Variants in LRBA observed in about 807,000 individuals in gnomAD.
LRBA encodes the protein LPS responsive beige-like anchor protein.
A neutral mutation model predicts 330.0 loss-of-function variants in LRBA; 176 were observed. The ratio of observed to expected loss-of-function variants is 0.53; its 90% confidence interval spans 0.47 to 0.60. The LOEUF is 0.60. Ranked by LOEUF, LRBA falls within the 20% of genes least tolerant of loss-of-function variation. The pLI is 0.00. For synonymous variants in LRBA, 1,230 were observed against 1,193.0 expected (o/e 1.03, Z -0.64); for missense variants, 3,259 against 3,444.8 (o/e 0.95, Z 1.35).
intron 47 of LRBA, among the ~76,000 whole-genome samples, chr4:150,387,216 C>G (rs1254249775): frequency 6.6e-6 from 1 of 151,786 alleles, no homozygotes; most frequent in African/African-American, 2.4e-5. Flanking sequence ...TCTGTTCACT[C>G]TGTGGATAGT....
chr4:150,896,761 T>C (rs938263873), intron 15 of LRBA, among the ~76,000 whole-genome samples: 4 of 151,882 alleles, frequency 2.6e-5, no homozygotes, highest in African/African-American at 9.7e-5. Context: ...TAAAAAGTAA[T>C]ATCCACACCT....
At chr4:150,467,113 C>T (rs1369031574) in intron 44 of LRBA, among the ~76,000 whole-genome samples, 1 of 151,912 alleles carries the variant, frequency 6.6e-6, no homozygotes, top group Admixed American at 6.6e-5. Context: ...AAGAAGCTCC[C>T]CCGGTCAAAG....
intron 37 of LRBA, among the ~76,000 whole-genome samples, chr4:150,648,050 G>A (rs991513197): frequency 4.7e-5 from 7 of 149,256 alleles, no homozygotes; most frequent in Non-Finnish European, 1.0e-4. Context: ...TAAGGCAAAT[G>A]TAGAGAAGTA....
Position 150,881,938 on chromosome 4 carries a change from T to C in LRBA, c.2166-9183A>G, listed in dbSNP as rs557738220. Reference sequence around the variant, plus strand: ...CCTGTCTCTATTAAAAATACAAAATTAGTTGGGTGTGGTGGCACATGCCTG... The same window carrying C: ...CCTGTCTCTATTAAAAATACAAAATCAGTTGGGTGTGGTGGCACATGCCTG... On this transcript the variant is annotated intron_variant, in intron 17 of 56. Coordinates refer to ENST00000651943, the MANE Select transcript of LRBA (RefSeq NM_001364905.1). 9.9e-5 allele frequency among the ~76,000 whole-genome samples: 15 copies of C among 151,916 alleles called. No homozygotes were observed. The East Asian group carries it at 2.7e-3, about 27-fold the overall frequency.
rs747052936 is a variant in LRBA, at chr4:150,905,934, T to C, written c.1659A>G (p.Lys553=). The C allele has an allele frequency of 9.3e-6, 15 of 1,613,664 alleles. No homozygotes were observed. Among genetic ancestry groups the C allele is most frequent in the African/African-American group, 1.3e-5 (1 of 75,026 alleles). The change falls in exon 13 of 57, where the codon AAA becomes AAG. Residue 553 remains lysine, a synonymous_variant. Transcript: ENST00000651943. ...TCCCATTCTGCAGATTACTCAGATA[T>C]TTTGAAAATGCAAGGCAAAGTTCAA... ...AVLELCLAFS[K]YLSNLQNGMP...
intron 40 of LRBA, among the ~76,000 whole-genome samples, chr4:150,491,867 C>T (rs536426797): frequency 6.6e-6 from 1 of 152,244 alleles, no homozygotes; most frequent in South Asian, 2.1e-4. Context: ...CATTTCTCTA[C>T]ACCAGTACTA....
At chr4:150,794,889 A>C (rs1307898469) in intron 34 of LRBA, among the ~76,000 whole-genome samples, 1 of 152,144 alleles carries the variant, frequency 6.6e-6, no homozygotes, top group Non-Finnish European at 1.5e-5. Flanking sequence ...CAGGACAAGA[A>C]TGCAGCTACC....
At chr4:150,608,740 A>G (rs923625026) in intron 37 of LRBA, among the ~76,000 whole-genome samples, 13 of 152,136 alleles carry the variant, frequency 8.5e-5, no homozygotes, top group African/African-American at 3.1e-4. Flanking sequence ...CTCCATACCC[A>G]TTACCCGTCA....
intron 26 of LRBA, among the ~76,000 whole-genome samples, chr4:150,847,592 A>T (rs1274178216): frequency 1.3e-5 from 2 of 152,150 alleles, no homozygotes; most frequent in Non-Finnish European, 2.9e-5. Flanking sequence ...TTATCTCTTC[A>T]TATGACCATG....
At chr4:150,336,445 G>T (rs1460009829) in intron 48 of LRBA, among the ~76,000 whole-genome samples, 2 of 152,158 alleles carry the variant, frequency 1.3e-5, no homozygotes, top group East Asian at 3.9e-4. Flanking sequence ...CACTCAGAAT[G>T]CATCAGGTAA....
At chr4:150,668,900 T>C (rs997401612) in intron 37 of LRBA, among the ~76,000 whole-genome samples, 4 of 152,014 alleles carry the variant, frequency 2.6e-5, no homozygotes, top group Admixed American at 6.6e-5. Context: ...GGCTGTGTAT[T>C]AGAGGGGAAG....
intron 2 of LRBA, among the ~76,000 whole-genome samples, chr4:150,995,456 T>C (rs1742524729): frequency 6.6e-6 from 1 of 151,470 alleles, no homozygotes; most frequent in Admixed American, 6.6e-5. Flanking sequence ...AATGTTAATG[T>C]TTAAGGAAAT....
At chr4:150,779,479 CT>C (rs1054909842) in intron 34 of LRBA, among the ~76,000 whole-genome samples, 1 of 151,728 alleles carries the variant, frequency 6.6e-6, no homozygotes, top group African/African-American at 2.4e-5. Flanking sequence ...TTAATGTTTA[CT>C]TTTTTTAATA....
intron 14 of LRBA, among the ~76,000 whole-genome samples, chr4:150,898,901 A>T (rs993697402): frequency 6.6e-6 from 1 of 152,186 alleles, no homozygotes; most frequent in African/African-American, 2.4e-5. Flanking sequence ...TAGGTACCAG[A>T]TTCTCTGAGG....
chr4:150,912,625 T>C (rs1051146029), intron 9 of LRBA, among the ~76,000 whole-genome samples: 1 of 152,186 alleles, frequency 6.6e-6, no homozygotes, highest in African/African-American at 2.4e-5. Context: ...CCACCACCCG[T>C]GGTCCATGGA....
At chr4:150,609,366 T>C (rs1337228927) in intron 37 of LRBA, among the ~76,000 whole-genome samples, 1 of 152,156 alleles carries the variant, frequency 6.6e-6, no homozygotes, top group Non-Finnish European at 1.5e-5. Context: ...ATGAAACATG[T>C]AGATCCAGTT....
At chr4:150,872,564 AG>A in intron 18 of LRBA, 98 bp downstream of exon 18, 1 of 722,124 alleles carries the variant, frequency 1.4e-6, no homozygotes, top group Non-Finnish European at 2.3e-6. Flanking sequence ...TAAAAATAAA[AG>A]AAAAACTAGA....
At chr4:150,924,715 T>C (rs1733700252) in intron 4 of LRBA, among the ~76,000 whole-genome samples, 1 of 152,180 alleles carries the variant, frequency 6.6e-6, no homozygotes. Context: ...ATATGCCTAA[T>C]ATTAAATAAC....
At chr4:150,814,817 G>A (rs1006748488) in intron 31 of LRBA, among the ~76,000 whole-genome samples, 2 of 152,062 alleles carry the variant, frequency 1.3e-5, no homozygotes, top group Admixed American at 1.3e-4. Flanking sequence ...GCCAATAAAT[G>A]TAACAGTCTT....
Sources: gnomAD v4.1 joint callset for allele counts (sites outside exome capture counted in the v4.1 genomes callset) on GRCh38, gnomAD v4.1.1 for gene constraint, MANE v1.5 for transcripts, NCBI Gene and HGNC (gene_info 2026-07-23, HGNC 2026-07-21) for gene names.